Variants in CELF2 observed in about 807,000 individuals in gnomAD.
CELF2 encodes CUG triplet repeat RNA-binding protein 2.
CELF2 carries 8 observed loss-of-function variants against 62.6 expected under a neutral mutation model. The ratio of observed to expected loss-of-function variants is 0.13; its 90% CI spans 0.07 to 0.23. The LOEUF (loss-of-function observed/expected upper bound fraction) is 0.23. CELF2 is among the 10% of genes least tolerant of loss of function. CELF2 has a pLI of 1.00. For synonymous variants in CELF2, 258 were observed against 250.0 expected (o/e 1.03, Z -0.30); for missense variants, 333 against 671.0 (o/e 0.50, Z 5.56).
At chr10:11,266,311 C>T (rs189450422) in intron 5 of CELF2, among the ~76,000 whole-genome samples, 1 of 152,196 alleles carries the variant, frequency 6.6e-6, no homozygotes, top group African/African-American at 2.4e-5. Context: ...TGATTTCAAA[C>T]CCGGTGGCTA....
intron 1 of CELF2, among the ~76,000 whole-genome samples, chr10:10,832,970 A>G (rs4498868): frequency 0.54 from 81,747 of 151,268 alleles, 22,688 homozygotes; most frequent in East Asian, 0.76. Context: ...GTACTCACCG[A>G]CAATTTTTGA....
Position 10,997,074 on chromosome 10 carries a change from TCTC to T in CELF2, c.89+77079_89+77081del, listed in dbSNP as rs776980120. On this transcript the variant is annotated intron_variant, in intron 2 of 13. Coordinates refer to the CELF2 transcript ENST00000636488. The surrounding 1 kb of genome is among the most constrained non-coding windows in gnomAD (Gnocchi z 5.3). ...TACTGCTAAAATCTGCTTTGGCCCTTCTCCTCTCTCTACAGCTGCTGCCTGGCA... is the reference window on the plus strand; with the variant it reads ...TACTGCTAAAATCTGCTTTGGCCCTTCTCTCTCTACAGCTGCTGCCTGGCA... Among the ~76,000 whole-genome samples, 11 of 152,166 alleles carry T rather than the reference TCTC, an allele frequency of 7.2e-5. No homozygotes were observed. Among genetic ancestry groups the T allele is most frequent in the Non-Finnish European group, 1.5e-4 (10 of 68,042 alleles).
At chr10:10,562,097 C>A in the CELF2 span, among the ~76,000 whole-genome samples, 15 of 152,168 alleles carry the variant, frequency 9.9e-5, no homozygotes, top group East Asian at 9.6e-4. Flanking sequence ...CCTAGAATTC[C>A]CTTGAGAACT....
intron 2 of CELF2, among the ~76,000 whole-genome samples, chr10:10,922,335 G>A (rs1267909961): frequency 6.6e-6 from 1 of 152,144 alleles, no homozygotes; most frequent in Non-Finnish European, 1.5e-5. Context: ...ATCATGTGTG[G>A]GCAGAGAGAT....
At position 10,978,035 on chromosome 10, in the gene CELF2, T is replaced by TTTTC. The variant is rs1491050795; in HGVS notation, c.89+58039_89+58040insCTTT. On this transcript the variant is annotated intron_variant, in intron 2 of 13. Coordinates refer to the CELF2 transcript ENST00000636488. ...TGTTTTGGGTTTGGGTTTTTTTTTG[T>TTTTC]TTTTTGTTTTTTTTTTTCCAGAGAA... Among the ~76,000 whole-genome samples, 97 of 129,042 alleles carry TTTTC rather than the reference T, an allele frequency of 7.5e-4. 1 individual carries two copies. The highest frequency in any genetic ancestry group is 2.8e-3 in the African/African-American group (92 of 33,224). The allele number at this position is 129,042 out of a possible 152,430, so 84.7% of individuals were successfully genotyped here. A position where few individuals can be genotyped will look rare whatever the true frequency, so the allele number is the denominator to read the frequency against.
the CELF2 span, among the ~76,000 whole-genome samples, chr10:10,790,698 G>T: frequency 6.6e-6 from 1 of 152,058 alleles, no homozygotes; most frequent in African/African-American, 2.4e-5. Context: ...AGTGATCTAA[G>T]GTTAAACCTA....
chr10:10,893,629 C>T (rs1438600038), intron 1 of CELF2, among the ~76,000 whole-genome samples: 3 of 152,176 alleles, frequency 2.0e-5, no homozygotes, highest in African/African-American at 7.2e-5. Flanking sequence ...CATGGTTCTG[C>T]AGGCTGTATG....
At chr10:11,134,970 G>C (rs1049272958) in intron 1 of CELF2, among the ~76,000 whole-genome samples, 5 of 152,232 alleles carry the variant, frequency 3.3e-5, no homozygotes, top group Admixed American at 2.6e-4. Context: ...CATCAATGCT[G>C]TTTAAAATCT....
At chr10:10,545,694 TACAC>T in the CELF2 span, among the ~76,000 whole-genome samples, 99 of 151,812 alleles carry the variant, frequency 6.5e-4, no homozygotes, top group African/African-American at 2.3e-3. Flanking sequence ...AAATATACTA[TACAC>T]ACACACACAC....
the CELF2 span, among the ~76,000 whole-genome samples, chr10:10,716,877 T>G: frequency 6.6e-6 from 1 of 152,342 alleles, no homozygotes; most frequent in South Asian, 2.1e-4. Flanking sequence ...CTAAATTTCA[T>G]GACCCAGATG....
intron 9 of CELF2, among the ~76,000 whole-genome samples, chr10:11,312,668 G>C (rs975368466): frequency 1.3e-5 from 2 of 152,240 alleles, no homozygotes; most frequent in Non-Finnish European, 2.9e-5. Flanking sequence ...TGGCTTGGAG[G>C]CTCACACCTG....
chr10:10,783,326 G>A, the CELF2 span, among the ~76,000 whole-genome samples: 2 of 152,120 alleles, frequency 1.3e-5, no homozygotes, highest in African/African-American at 4.8e-5. Flanking sequence ...CACAGAGACA[G>A]GTACAGGGAC....
intron 1 of CELF2, among the ~76,000 whole-genome samples, chr10:10,895,154 T>A (rs550826091): frequency 2.0e-5 from 3 of 152,274 alleles, no homozygotes; most frequent in African/African-American, 7.2e-5. Flanking sequence ...AGTACCAAGA[T>A]TTGAACCCAG....
chr10:10,982,013 T>A (rs926779532), intron 2 of CELF2, among the ~76,000 whole-genome samples: 1 of 144,870 alleles, frequency 6.9e-6, no homozygotes, highest in Non-Finnish European at 1.5e-5. Flanking sequence ...TGGAGTGCAA[T>A]GGCATGATCT....
intron 1 of CELF2, among the ~76,000 whole-genome samples, chr10:11,094,795 G>A (rs1480157539): frequency 2.0e-5 from 3 of 152,140 alleles, no homozygotes; most frequent in Non-Finnish European, 4.4e-5. Flanking sequence ...CTTAGCCATC[G>A]AATGAACACA....
chr10:10,607,953 T>A, the CELF2 span, among the ~76,000 whole-genome samples: 1 of 151,856 alleles, frequency 6.6e-6, no homozygotes, highest in East Asian at 1.9e-4. Flanking sequence ...ATGGTAAAAC[T>A]CTGTCTCTTC....
At chr10:11,115,606 C>T (rs75538815) in intron 1 of CELF2, among the ~76,000 whole-genome samples, 8,453 of 152,222 alleles carry the variant, frequency 0.056, 281 homozygotes, top group Middle Eastern at 0.065. Context: ...TTTAGAGAAG[C>T]GAATGATATG....
the CELF2 span, among the ~76,000 whole-genome samples, chr10:10,585,235 C>A: frequency 6.6e-6 from 1 of 152,114 alleles, no homozygotes; most frequent in Non-Finnish European, 1.5e-5. Context: ...TGTCTTCTTG[C>A]CAAACCATAA....
the CELF2 span, among the ~76,000 whole-genome samples, chr10:10,604,132 C>T: frequency 1.3e-5 from 2 of 152,176 alleles, no homozygotes; most frequent in African/African-American, 2.4e-5. Context: ...ATCGCTTGAA[C>T]CTGGGAGGTG....
Sources: gnomAD v4.1 joint callset for allele counts (sites outside exome capture counted in the v4.1 genomes callset) on GRCh38, gnomAD v4.1.1 for gene constraint, Gnocchi (gnomAD v3.1) non-coding constraint, MANE v1.5 for transcripts, NCBI Gene and HGNC (gene_info 2026-07-23, HGNC 2026-07-21) for gene names.